WDFY2: variants seen among roughly 807,000 people sequenced by gnomAD.
The protein encoded by WDFY2 is WD repeat and FYVE domain containing 2, also known as WD repeat and FYVE domain-containing protein 2.
Under a neutral mutation model 56.4 loss-of-function variants are expected in WDFY2, and 36 were observed. That is an observed-to-expected ratio of 0.64 (90% CI 0.49 to 0.84). WDFY2 has a LOEUF of 0.84. Ranked by LOEUF, WDFY2 falls within the 40% of genes least tolerant of loss-of-function variation. The pLI, the probability that WDFY2 is intolerant of heterozygous loss-of-function variation, is 0.00. For synonymous variants in WDFY2, 176 were observed against 183.7 expected, an observed-to-expected ratio of 0.96 and a Z score of 0.34; for missense variants, 444 against 512.2, an observed-to-expected ratio of 0.87 and a Z score of 1.29.
chr13:51,621,814 G>A (rs1954732817), intron 1 of WDFY2, among the ~76,000 whole-genome samples: 1 of 152,080 alleles, frequency 6.6e-6, no homozygotes, highest in Admixed American at 6.5e-5. Context: ...TGGTACTAAT[G>A]ACTCTAAAAC....
At chr13:51,639,181 A>G (rs941459577) in intron 1 of WDFY2, among the ~76,000 whole-genome samples, 14 of 152,202 alleles carry the variant, frequency 9.2e-5, no homozygotes, top group African/African-American at 3.4e-4. Context: ...GCACTTTTTT[A>G]CACCATGTAC....
At chr13:51,595,568 A>G (rs7335398) in intron 1 of WDFY2, among the ~76,000 whole-genome samples, 149,847 of 152,276 alleles carry the variant, frequency 0.98, 73,771 homozygotes, top group East Asian at 1. Context: ...AGAGGTGAAG[A>G]TATGCTGCCA....
At position 51,729,057 on chromosome 13, in the gene WDFY2, C is replaced by A. The variant is rs142961530; in HGVS notation, c.598+1267C>A. 3.7e-3 allele frequency among the ~76,000 whole-genome samples: 558 copies of A among 152,322 alleles called. 1 individual carries two copies. The highest frequency in any genetic ancestry group is 0.013 in the African/African-American group (531 of 41,570). On this transcript the variant is annotated intron_variant, in intron 6 of 11. Transcript: ENST00000298125. ...TCTCTTCCCCTGCATCACCTTTCCT[C>A]CCAGTGGTGCATCGCTTCACCCACG...
intron 1 of WDFY2, among the ~76,000 whole-genome samples, chr13:51,629,400 A>G (rs1462058698): frequency 6.6e-6 from 1 of 152,212 alleles, no homozygotes; most frequent in Non-Finnish European, 1.5e-5. Context: ...ATATGAAAAG[A>G]GGATGTTATT....
chr13:51,723,325 A>T (rs2138640775), intron 5 of WDFY2, among the ~76,000 whole-genome samples: 1 of 152,294 alleles, frequency 6.6e-6, no homozygotes, highest in East Asian at 1.9e-4. Context: ...ATATTGTTGA[A>T]TTTCAGATTT....
intron 3 of WDFY2, among the ~76,000 whole-genome samples, chr13:51,679,965 C>T (rs1228806317): frequency 6.6e-6 from 1 of 152,108 alleles, no homozygotes; most frequent in Non-Finnish European, 1.5e-5. Flanking sequence ...CGCTCTGTTG[C>T]CCACGCCAAA....
Position 51,719,399 on chromosome 13 carries a change from C to T in WDFY2, c.485+51C>T, listed in dbSNP as rs757495733. On this transcript the variant is annotated intron_variant, in intron 5 of 11. Transcript: ENST00000298125. ...TTAGTGGGAACTTAACTGTTGTTCT[C>T]TTTGATTCATGAAATTTTGGGGTAT... 22 of 1,506,234 alleles carry T rather than the reference C, an allele frequency of 1.5e-5. 1 individual carries two copies. The highest frequency in any genetic ancestry group is 9.8e-5 in the African/African-American group (7 of 71,266). The allele number at this position is 1,506,234 out of a possible 1,614,324, so 93.3% of individuals were successfully genotyped here.
At chr13:51,710,081 T>G (rs899572323) in intron 4 of WDFY2, among the ~76,000 whole-genome samples, 1 of 150,688 alleles carries the variant, frequency 6.6e-6, no homozygotes, top group Non-Finnish European at 1.5e-5. Flanking sequence ...TCAAAAAGCT[T>G]ATCCACCACG....
chr13:51,760,488 C>A lies in WDFY2; in HGVS notation c.*719C>A, dbSNP rs1161894487. 6.6e-6 allele frequency: 1 copy of A among 152,150 alleles called. No individual in the cohort carries two copies. Among genetic ancestry groups the A allele is most frequent in the African/African-American group, 2.4e-5 (1 of 41,408 alleles). 9.4% of individuals were successfully genotyped at this position (152,150 alleles called of 1,614,324 possible). On this transcript the variant is annotated 3_prime_UTR_variant, in exon 12 of 12. Transcript: ENST00000298125. The stretch of plus-strand genomic sequence containing the variant: ...AATGCTGTGAGAAAGCTGCTCCCAA[C>A]CATGGTTATCACAGAAGTAGATTAT...
At chr13:51,633,244 G>A (rs2138384916) in intron 1 of WDFY2, among the ~76,000 whole-genome samples, 1 of 152,324 alleles carries the variant, frequency 6.6e-6, no homozygotes, top group African/African-American at 2.4e-5. Flanking sequence ...TCCAACCCTG[G>A]AGCTGTCAGT....
chr13:51,737,620 T>C (rs1952871474), intron 6 of WDFY2, among the ~76,000 whole-genome samples: 1 of 143,596 alleles, frequency 7.0e-6, no homozygotes, highest in Non-Finnish European at 1.5e-5. Flanking sequence ...TCAAGGAAGA[T>C]GTTTCTGAGG....
In WDFY2 at chr13:51,678,901, C is replaced by G. The variant is rs573228980; in HGVS notation, c.279+3658C>G. ...TGGGAGATAATGGTCTAGGGCAGCTCCCTGAATACGAACTGGATTTAGAAG... is the reference window on the plus strand; with the variant it reads ...TGGGAGATAATGGTCTAGGGCAGCTGCCTGAATACGAACTGGATTTAGAAG... On this transcript the variant is annotated intron_variant, in intron 3 of 11. Coordinates refer to ENST00000298125, the MANE Select transcript of WDFY2 (RefSeq NM_052950.4). 1.6e-4 allele frequency among the ~76,000 whole-genome samples: 25 copies of G among 152,086 alleles called. No individual in the cohort carries two copies. In the East Asian group the frequency reaches 4.4e-3, roughly 27 times the overall value.
intron 1 of WDFY2, among the ~76,000 whole-genome samples, chr13:51,624,518 A>G (rs902911396): frequency 1.8e-4 from 28 of 152,210 alleles, no homozygotes; most frequent in Non-Finnish European, 4.4e-5. Context: ...TATTCTAGGC[A>G]TGGGCTAATA....
chr13:51,745,278 A>G (rs956160323), intron 7 of WDFY2, among the ~76,000 whole-genome samples: 3 of 152,202 alleles, frequency 2.0e-5, no homozygotes, highest in Admixed American at 1.3e-4. Context: ...ATTGGCTTTT[A>G]AAAAAATGAA....
rs143987202 is a variant in WDFY2, at chr13:51,709,426, C to G, written c.334+5776C>G. 1.2e-3 allele frequency among the ~76,000 whole-genome samples: 178 copies of G among 152,202 alleles called. 1 individual carries two copies. The highest frequency in any genetic ancestry group is 4.2e-3 in the African/African-American group (174 of 41,538). Reference sequence around the variant, plus strand: ...CCAATGCTTCCGGAGGTGGGAGGATCACTTGGGATCAGGAGTTGAAGCCTG... The same window carrying G: ...CCAATGCTTCCGGAGGTGGGAGGATGACTTGGGATCAGGAGTTGAAGCCTG... On this transcript the variant is annotated intron_variant, in intron 4 of 11. Coordinates refer to ENST00000298125, the MANE Select transcript of WDFY2 (RefSeq NM_052950.4).
chr13:51,623,669 A>G (rs549567688), intron 1 of WDFY2, among the ~76,000 whole-genome samples: 1 of 152,290 alleles, frequency 6.6e-6, no homozygotes, highest in African/African-American at 2.4e-5. Flanking sequence ...AGTCAGTACC[A>G]TCTATCTCTC....
intron 1 of WDFY2, among the ~76,000 whole-genome samples, chr13:51,641,034 G>A (rs747730523): frequency 1.3e-5 from 2 of 152,062 alleles, no homozygotes; most frequent in South Asian, 2.1e-4. Flanking sequence ...CTAAAACCAC[G>A]TTCTATCCAA....
At chr13:51,654,479 C>T (rs1002057772) in intron 1 of WDFY2, among the ~76,000 whole-genome samples, 14 of 152,176 alleles carry the variant, frequency 9.2e-5, no homozygotes, top group Non-Finnish European at 1.3e-4. Context: ...AGAAATCATT[C>T]GCCTTCTGCG....
At chr13:51,678,833 C>T (rs191001009) in intron 3 of WDFY2, among the ~76,000 whole-genome samples, 1 of 152,088 alleles carries the variant, frequency 6.6e-6, no homozygotes, top group East Asian at 1.9e-4. Context: ...TACCGGTACA[C>T]CAATGAGTGT....
Sources: gnomAD v4.1 joint callset for allele counts (sites outside exome capture counted in the v4.1 genomes callset) on GRCh38, gnomAD v4.1.1 for gene constraint, MANE v1.5 for transcripts, NCBI Gene and HGNC (gene_info 2026-07-23, HGNC 2026-07-21) for gene names.